Variants in FOCAD observed in about 807,000 individuals in gnomAD.
The protein encoded by FOCAD is focadhesin, also known as KIAA1797.
A neutral mutation model predicts 225.6 loss-of-function variants in FOCAD; 198 were observed. That is an observed-to-expected ratio of 0.88 (90% CI 0.78 to 0.99). The LOEUF is 0.99. Ranked by LOEUF, FOCAD falls within the 50% of genes least tolerant of loss-of-function variation. FOCAD has a pLI of 0.00. For missense variants in FOCAD, 2,713 were observed against 2,123.6 expected, an observed-to-expected ratio of 1.28 and a Z score of -5.46; for synonymous variants, 897 against 755.0, an observed-to-expected ratio of 1.19 and a Z score of -3.08.
intron 11 of FOCAD, among the ~76,000 whole-genome samples, chr9:20,806,433 T>C (rs776505394): frequency 2.0e-5 from 3 of 152,160 alleles, no homozygotes; most frequent in Non-Finnish European, 2.9e-5. Flanking sequence ...ACTAATTTTG[T>C]AGGCGGCTTG....
rs745765502 is a variant in FOCAD, at chr9:20,907,225, T to C, written c.2701T>C (p.Tyr901His). The C allele has an allele frequency of 4.3e-6, 7 of 1,612,962 alleles. No individual in the cohort carries two copies. Among genetic ancestry groups the C allele is most frequent in the South Asian group, 1.1e-5 (1 of 91,036 alleles). ...QAWLAYMNRA[Y>H]HAILQGRLGE... is the part of the protein sequence containing the mutation. The stretch of plus-strand genomic sequence containing the variant: ...CTGGCTTGCATACATGAATCGAGCT[T>C]ATCATGCCATTTTACAGGTAATGAA... The change falls in exon 22 of 44, where the codon TAT (tyrosine) becomes CAT (histidine). Residue 901 changes from tyrosine (Y) to histidine (H), a missense_variant. Physicochemically the swap from Tyr to His is moderately conservative, Grantham distance 83. Coordinates refer to ENST00000338382, the MANE Select transcript of FOCAD (RefSeq NM_001375567.1).
intron 22 of FOCAD, among the ~76,000 whole-genome samples, chr9:20,911,713 T>C (rs1833453681): frequency 1.3e-5 from 2 of 152,174 alleles, no homozygotes; most frequent in East Asian, 3.9e-4. Context: ...GTGAAGTAAC[T>C]TGCCTAAATT....
At chr9:20,753,162 G>C (rs1384226211) in intron 5 of FOCAD, among the ~76,000 whole-genome samples, 1 of 151,986 alleles carries the variant, frequency 6.6e-6, no homozygotes, top group Non-Finnish European at 1.5e-5. Context: ...TCCTCCTCCT[G>C]CCTAATTGCC....
At chr9:20,779,063 G>T (rs996330277) in intron 9 of FOCAD, among the ~76,000 whole-genome samples, 7 of 152,146 alleles carry the variant, frequency 4.6e-5, no homozygotes, top group Admixed American at 2.6e-4. Flanking sequence ...ACATTGTACA[G>T]CAAAATGGAA....
chr9:20,912,552 A>G (rs183404701), intron 22 of FOCAD, among the ~76,000 whole-genome samples: 1 of 152,196 alleles, frequency 6.6e-6, no homozygotes, highest in Non-Finnish European at 1.5e-5. Context: ...ACAAAGGCAG[A>G]TCACTAGCAG....
chr9:20,920,729 C>T (rs1482112407), intron 24 of FOCAD, among the ~76,000 whole-genome samples: 3 of 151,652 alleles, frequency 2.0e-5, no homozygotes, highest in East Asian at 3.9e-4. Flanking sequence ...AACTGAACAC[C>T]GCATGTTCTT....
intron 8 of FOCAD, among the ~76,000 whole-genome samples, chr9:20,773,257 A>G (rs1340367547): frequency 1.8e-4 from 28 of 152,216 alleles, no homozygotes; most frequent in Admixed American, 1.8e-3. Context: ...ACACTTTGCT[A>G]TGGCAATTAG....
intron 35 of FOCAD, 101 bp from the exon 36 acceptor site, chr9:20,976,319 C>A: frequency 1.8e-6 from 2 of 1,115,180 alleles, no homozygotes; most frequent in South Asian, 1.5e-5. Context: ...TATGTGATAT[C>A]AGATCCTTTG....
At chr9:20,791,231 A>ACACT (rs763607155) in intron 11 of FOCAD, among the ~76,000 whole-genome samples, 57 of 95,950 alleles carry the variant, frequency 5.9e-4, no homozygotes, top group Non-Finnish European at 1.2e-3. Context: ...ACACACACAC[A>ACACT]CACACTCACA....
At chr9:20,770,886 C>G (rs149920291) in intron 8 of FOCAD, among the ~76,000 whole-genome samples, 1 of 151,842 alleles carries the variant, frequency 6.6e-6, no homozygotes, top group Non-Finnish European at 1.5e-5. Context: ...TTCATTTATT[C>G]ATGCAGAACA....
At chr9:20,772,992 G>A (rs2131027200) in intron 8 of FOCAD, among the ~76,000 whole-genome samples, 1 of 150,812 alleles carries the variant, frequency 6.6e-6, no homozygotes, top group South Asian at 2.1e-4. Flanking sequence ...ATATATAGAT[G>A]TTTTATAGAT....
intron 5 of FOCAD, among the ~76,000 whole-genome samples, chr9:20,754,600 T>A (rs1828875159): frequency 6.6e-6 from 1 of 152,112 alleles, no homozygotes; most frequent in Admixed American, 6.6e-5. Flanking sequence ...TTCGGTGATG[T>A]GCCTTCCATA....
chr9:20,761,330 A>T (rs545039872), intron 6 of FOCAD, among the ~76,000 whole-genome samples: 1 of 152,248 alleles, frequency 6.6e-6, no homozygotes, highest in East Asian at 1.9e-4. Flanking sequence ...AATTTTTCAG[A>T]TGAGAGAACC....
chr9:20,879,125 A>G (rs1446656999), intron 19 of FOCAD, among the ~76,000 whole-genome samples: 1 of 152,168 alleles, frequency 6.6e-6, no homozygotes, highest in Non-Finnish European at 1.5e-5. Context: ...GTTTCTAGGT[A>G]TTCCTTAAGC....
intron 16 of FOCAD, chr9:20,863,617 T>A (rs1828974279): frequency 6.6e-6 from 1 of 152,038 alleles, no homozygotes; most frequent in Non-Finnish European, 1.5e-5. Flanking sequence ...ACATGTAGCC[T>A]TTTTTTAGGG....
chr9:20,693,821 G>A (rs903564499), intron 1 of FOCAD, among the ~76,000 whole-genome samples: 2 of 152,038 alleles, frequency 1.3e-5, no homozygotes, highest in African/African-American at 4.8e-5. Flanking sequence ...AGTGATTCTC[G>A]TGCCTCAGCC....
chr9:20,759,785 G>C (rs1358963279), intron 6 of FOCAD, among the ~76,000 whole-genome samples: 1 of 152,214 alleles, frequency 6.6e-6, no homozygotes, highest in Non-Finnish European at 1.5e-5. Flanking sequence ...GCATTGGTAA[G>C]TGGTTAGGAA....
chr9:20,719,706 C>G (rs1825622568), intron 3 of FOCAD, among the ~76,000 whole-genome samples: 1 of 149,676 alleles, frequency 6.7e-6, no homozygotes, highest in Non-Finnish European at 1.5e-5. Flanking sequence ...GCTCTTCTAT[C>G]AGTGAAGACA....
chr9:20,766,667 T>C (rs1328785150), intron 7 of FOCAD, among the ~76,000 whole-genome samples: 1 of 151,906 alleles, frequency 6.6e-6, no homozygotes, highest in Non-Finnish European at 1.5e-5. Context: ...CCTCCCTCCC[T>C]TCCTTATTTT....
Sources: allele counts gnomAD v4.1 joint callset (sites outside exome capture counted in the v4.1 genomes callset), GRCh38; gene constraint gnomAD v4.1.1; transcripts MANE v1.5; gene names NCBI Gene and HGNC (gene_info 2026-07-23, HGNC 2026-07-21).